Variants in ADCY8 observed in about 807,000 individuals in gnomAD.
ADCY8 encodes the protein adenylate cyclase 8.
Under a neutral mutation model 119.7 loss-of-function variants are expected in ADCY8, and 51 were observed. That is an observed-to-expected ratio of 0.43 (90% confidence interval 0.34 to 0.54). ADCY8 has a LOEUF of 0.54. Ranked by LOEUF, ADCY8 falls within the 20% of genes least tolerant of loss-of-function variation. The probability of loss-of-function intolerance (pLI) is 0.03; values close to 1 mark genes in which losing one functional copy is unlikely to be tolerated. For missense variants in ADCY8, 1,383 were observed against 1,598.8 expected (o/e 0.87, Z 2.30); for synonymous variants, 665 against 651.0 (o/e 1.02, Z -0.33).
intron 5 of ADCY8, among the ~76,000 whole-genome samples, chr8:130,927,519 A>G (rs997752110): frequency 1.3e-5 from 2 of 152,310 alleles, no homozygotes; most frequent in African/African-American, 4.8e-5. Context: ...ATAGTTTACA[A>G]GTATTTTCTC....
rs114971292 is a variant in ADCY8, at chr8:131,024,958, C to T, written c.960+14416G>A. 6.3e-3 allele frequency among the ~76,000 whole-genome samples: 960 copies of T among 152,280 alleles called. 6 individuals are homozygous for T. The highest frequency in any genetic ancestry group is 0.022 in the African/African-American group (914 of 41,564). On this transcript the variant is annotated intron_variant, in intron 1 of 17. Coordinates refer to ENST00000286355, the MANE Select transcript of ADCY8 (RefSeq NM_001115.3). ...GGGAAAGCATACCAATCCCCACATG[C>T]ACATTCATTATAACTCATGGAATAA... is the stretch of plus-strand genomic sequence containing the variant.
chr8:130,942,518 C>A (rs922318736), intron 4 of ADCY8, among the ~76,000 whole-genome samples: 46 of 152,208 alleles, frequency 3.0e-4, no homozygotes, highest in Admixed American at 5.9e-4. Flanking sequence ...GCAGCATGTA[C>A]AATACCTAGT....
chr8:130,994,466 C>G (rs1248871977), intron 1 of ADCY8, among the ~76,000 whole-genome samples: 1 of 152,188 alleles, frequency 6.6e-6, no homozygotes, highest in Non-Finnish European at 1.5e-5. Flanking sequence ...TAACTGATAT[C>G]TTATCCTTTT....
chr8:131,038,343 A>G (rs748610410), intron 1 of ADCY8, among the ~76,000 whole-genome samples: 2 of 152,180 alleles, frequency 1.3e-5, no homozygotes, highest in African/African-American at 2.4e-5. Context: ...CTGACCATGC[A>G]TCTCACACCA....
At chr8:130,798,688 A>T (rs1348664933) in intron 15 of ADCY8, among the ~76,000 whole-genome samples, 1 of 152,220 alleles carries the variant, frequency 6.6e-6, no homozygotes, top group East Asian at 1.9e-4. Context: ...ACATGACTGC[A>T]GTTGTCTAGG....
chr8:131,027,412 C>T (rs1823854675), intron 1 of ADCY8, among the ~76,000 whole-genome samples: 2 of 152,114 alleles, frequency 1.3e-5, no homozygotes, highest in South Asian at 4.1e-4. Flanking sequence ...GTAGAACTTA[C>T]CCAGTGAAGT....
intron 6 of ADCY8, among the ~76,000 whole-genome samples, chr8:130,904,649 C>G (rs1383732700): frequency 6.6e-6 from 1 of 152,152 alleles, no homozygotes; most frequent in Non-Finnish European, 1.5e-5. Context: ...TTATAAGGAG[C>G]AAAGAACAAA....
chr8:130,960,525 G>T (rs1417410238), intron 2 of ADCY8, among the ~76,000 whole-genome samples: 1 of 152,000 alleles, frequency 6.6e-6, no homozygotes, highest in African/African-American at 2.4e-5. Context: ...CTTACTTTAG[G>T]TTGCACAGAG....
At chr8:130,963,456 T>C (rs1821668188) in intron 2 of ADCY8, among the ~76,000 whole-genome samples, 1 of 152,238 alleles carries the variant, frequency 6.6e-6, no homozygotes, top group African/African-American at 2.4e-5. Context: ...GAGGCTATGG[T>C]ATGCTGTCTT....
intron 1 of ADCY8, among the ~76,000 whole-genome samples, chr8:131,025,459 C>T (rs753567578): frequency 2.1e-4 from 32 of 152,084 alleles, no homozygotes; most frequent in Non-Finnish European, 4.3e-4. Context: ...AATACTGATG[C>T]GAATATGATT....
chr8:130,969,186 T>A lies in ADCY8; in HGVS notation c.1111-17188A>T, dbSNP rs562642568. Among the ~76,000 whole-genome samples, 29 of 152,254 alleles carry A rather than the reference T, an allele frequency of 1.9e-4. 1 individual carries two copies. Among genetic ancestry groups the A allele is most frequent in the African/African-American group, 6.7e-4 (28 of 41,540 alleles). Reference sequence around the variant, plus strand: ...GACTTTGAGGAAAGCAGATTGTCCTTCATAATATGGGTGGTCCAATCAGTT... The same window carrying A: ...GACTTTGAGGAAAGCAGATTGTCCTACATAATATGGGTGGTCCAATCAGTT... On this transcript the variant is annotated intron_variant, in intron 2 of 17. Coordinates refer to ENST00000286355, the MANE Select transcript of ADCY8 (RefSeq NM_001115.3).
intron 6 of ADCY8, among the ~76,000 whole-genome samples, chr8:130,909,254 T>C (rs1819896697): frequency 6.6e-6 from 1 of 152,164 alleles, no homozygotes; most frequent in Non-Finnish European, 1.5e-5. Flanking sequence ...AAATTTGAAA[T>C]GTTGAGTTTC....
At chr8:130,968,392 C>T (rs1563749348) in intron 2 of ADCY8, among the ~76,000 whole-genome samples, 3 of 152,116 alleles carry the variant, frequency 2.0e-5, no homozygotes, top group East Asian at 1.9e-4. Flanking sequence ...AGAAGGGTCT[C>T]GATCTCCTGA....
chr8:130,977,567 G>A (rs1468003315), intron 2 of ADCY8, among the ~76,000 whole-genome samples: 1 of 152,234 alleles, frequency 6.6e-6, no homozygotes, highest in Non-Finnish European at 1.5e-5. Context: ...AAGGAGAGAA[G>A]CAATAAATAT....
At position 131,036,778 on chromosome 8, in the gene ADCY8, G is replaced by A. The variant is rs189782708; in HGVS notation, c.960+2596C>T. 5.0e-4 allele frequency among the ~76,000 whole-genome samples: 76 copies of A among 152,260 alleles called. 2 individuals are homozygous for A. In the South Asian group the frequency reaches 0.013, roughly 26 times the overall value. On this transcript the variant is annotated intron_variant, in intron 1 of 17. Transcript: ENST00000286355. ...GTGAAAAGACCCAGAATTAGGAAGAGCTTGGAATATGGCAAAAATGAATAG... is the reference window on the plus strand; with the variant it reads ...GTGAAAAGACCCAGAATTAGGAAGAACTTGGAATATGGCAAAAATGAATAG...
intron 14 of ADCY8, among the ~76,000 whole-genome samples, chr8:130,801,816 C>A (rs1394636327): frequency 1.3e-5 from 2 of 151,920 alleles, no homozygotes; most frequent in African/African-American, 4.8e-5. Context: ...TTTTATTGAT[C>A]ACCCCAAGAT....
intron 7 of ADCY8, among the ~76,000 whole-genome samples, chr8:130,893,890 A>C (rs1004207341): frequency 1.3e-4 from 19 of 151,532 alleles, no homozygotes; most frequent in Admixed American, 9.2e-4. Context: ...GCGGGTGTGC[A>C]TGTTTGTGTG....
At chr8:130,855,691 G>A (rs935094137) in intron 9 of ADCY8, among the ~76,000 whole-genome samples, 5 of 151,448 alleles carry the variant, frequency 3.3e-5, no homozygotes, top group East Asian at 1.9e-4. Context: ...GTCCAGATCC[G>A]CGGGCTCATC....
chr8:130,780,685 T>C lies in ADCY8; in HGVS notation c.3461A>G (p.Tyr1154Cys). Residue 1154 changes from tyrosine (Y) to cysteine (C), a missense_variant, in exon 18 of 18, where the codon TAT becomes TGT. Physicochemically the swap from Tyr to Cys is radical, Grantham distance 194. Transcript: ENST00000286355. Reference sequence around the variant, plus strand: ...TTCCTGTTCACTGATACCCTTCACATAGATCTCCCCTCGGTAATCAAAGGC... The same window carrying C: ...TTCCTGTTCACTGATACCCTTCACACAGATCTCCCCTCGGTAATCAAAGGC... The part of the protein sequence containing the change: ...GFAFDYRGEI[Y>C]VKGISEQEGK... 6.2e-7 allele frequency: 1 copy of C among 1,614,182 alleles called. No individual in the cohort carries two copies. Among genetic ancestry groups the C allele is most frequent in the Non-Finnish European group, 8.5e-7 (1 of 1,180,016 alleles).
Sources: gnomAD v4.1 joint callset for allele counts (sites outside exome capture counted in the v4.1 genomes callset) on GRCh38, gnomAD v4.1.1 for gene constraint, MANE v1.5 for transcripts, NCBI Gene and HGNC (gene_info 2026-07-23, HGNC 2026-07-21) for gene names.